The following CLYBL variants were observed in gnomAD, a reference collection of about 807,000 sequenced individuals.
CLYBL encodes citramalyl-CoA lyase, mitochondrial.
Under a neutral mutation model 38.9 loss-of-function variants are expected in CLYBL, and 31 were observed. The observed-to-expected ratio is 0.80, with a 90% confidence interval of 0.60 to 1.08. The LOEUF is 1.08. Among genes scored for constraint, CLYBL ranks in the 50% least tolerant of loss-of-function variants. The pLI is 0.00. For synonymous variants in CLYBL, 171 were observed against 158.6 expected (o/e 1.08, Z -0.59); for missense variants, 434 against 411.6 (o/e 1.05, Z -0.47).
chr13:99,880,068 A>ATATATTTT lies in CLYBL; in HGVS notation c.927+9007_927+9008insATATTTTT, dbSNP rs34063235. ...TGTGTATGTATATATATATATATAT[A>ATATATTTT]TTTTTTTTTTTTTTTTTGAGACAGA... is the stretch of plus-strand genomic sequence containing the variant. On this transcript the variant is annotated intron_variant, in intron 7 of 8. Coordinates refer to ENST00000339105, the MANE Select transcript of CLYBL (RefSeq NM_206808.5). Among the ~76,000 whole-genome samples the ATATATTTT allele has an allele frequency of 6.9e-4, 70 of 101,190 alleles. 1 individual carries two copies. The highest frequency in any genetic ancestry group is 9.4e-4 in the Non-Finnish European group (50 of 53,340). The allele number at this position is 101,190 out of a possible 152,430, so 66.4% of individuals were successfully genotyped here.
intron 1 of CLYBL, among the ~76,000 whole-genome samples, chr13:99,692,767 C>CTA (rs954319106): frequency 6.2e-4 from 95 of 152,310 alleles, no homozygotes; most frequent in African/African-American, 2.2e-3. Context: ...AACCACTAAT[C>CTA]TACTTTCTAA....
At chr13:99,679,166 C>T (rs1019994831) in intron 1 of CLYBL, among the ~76,000 whole-genome samples, 77 of 151,642 alleles carry the variant, frequency 5.1e-4, no homozygotes, top group Middle Eastern at 3.4e-3. Flanking sequence ...TGGTGGCGGG[C>T]GCCTGTGGTC....
At chr13:99,614,983 G>A (rs1443417863) in intron 1 of CLYBL, among the ~76,000 whole-genome samples, 1 of 152,158 alleles carries the variant, frequency 6.6e-6, no homozygotes, top group Admixed American at 6.5e-5. Context: ...TGAGTGGCAC[G>A]AGTACTTCAT....
intron 1 of CLYBL, among the ~76,000 whole-genome samples, chr13:99,675,722 C>T (rs1277124744): frequency 6.6e-6 from 1 of 152,160 alleles, no homozygotes; most frequent in Non-Finnish European, 1.5e-5. Context: ...CTTTTTAGGG[C>T]CAAATAATAT....
At chr13:99,812,039 A>T (rs2050353065) in intron 2 of CLYBL, among the ~76,000 whole-genome samples, 1 of 152,202 alleles carries the variant, frequency 6.6e-6, no homozygotes, top group African/African-American at 2.4e-5. Flanking sequence ...AAGTTTTATT[A>T]TTAAGTTTGC....
At chr13:99,796,081 T>C (rs1216400216) in intron 2 of CLYBL, among the ~76,000 whole-genome samples, 1 of 152,096 alleles carries the variant, frequency 6.6e-6, no homozygotes, top group East Asian at 1.9e-4. Context: ...GAGCCTGAAG[T>C]AGGTATGAGA....
At position 99,865,125 on chromosome 13, in the gene CLYBL, T is replaced by G; in HGVS notation, c.634+214T>G. The G allele has an allele frequency of 1.8e-6, 1 of 566,528 alleles. No individual in the cohort carries two copies. The highest frequency in any genetic ancestry group is 3.3e-6 in the Non-Finnish European group (1 of 300,858). 35.1% of individuals were successfully genotyped at this position (566,528 alleles called of 1,614,324 possible). A position where few individuals can be genotyped will look rare whatever the true frequency, so the allele number is the denominator to read the frequency against. ...GCTTCTAGAGCACTGCATTATTACT[T>G]CTGTTCATTTATAAAAGACACGAGC... is the stretch of plus-strand genomic sequence containing the variant. On this transcript the variant is annotated intron_variant, in intron 5 of 8. Transcript: ENST00000339105. This position sits in a 1 kb window ranked among gnomAD's most constrained non-coding sequence, Gnocchi z 4.7.
chr13:99,831,188 C>A (rs1416203903), intron 2 of CLYBL, among the ~76,000 whole-genome samples: 1 of 152,212 alleles, frequency 6.6e-6, no homozygotes, highest in Admixed American at 6.5e-5. Context: ...CCTGCACACA[C>A]CTCAAGTCCA....
chr13:99,846,161 A>T (rs1394560261), intron 2 of CLYBL, among the ~76,000 whole-genome samples: 1 of 152,154 alleles, frequency 6.6e-6, no homozygotes, highest in Non-Finnish European at 1.5e-5. Context: ...CAAAATACAT[A>T]AGTAAAATAA....
Position 99,843,345 on chromosome 13 carries a change from C to G in CLYBL, c.250-15516C>G, listed in dbSNP as rs73574321. ...TCACATCCCCAAAGAAGCTGTCTTGCCACCTTGTCTCAGTCGCTACACCCC... is the reference window on the plus strand; with the variant it reads ...TCACATCCCCAAAGAAGCTGTCTTGGCACCTTGTCTCAGTCGCTACACCCC... On this transcript the variant is annotated intron_variant, in intron 2 of 8. Transcript: ENST00000339105. 8.9e-3 allele frequency among the ~76,000 whole-genome samples: 1,358 copies of G among 152,260 alleles called. 17 individuals carry two copies. The highest frequency in any genetic ancestry group is 0.031 in the African/African-American group (1,288 of 41,538).
In CLYBL at chr13:99,865,256, T is replaced by G; in HGVS notation, c.634+345T>G. The G allele has an allele frequency of 3.0e-6, 1 of 336,832 alleles. No individual in the cohort carries two copies. Among genetic ancestry groups the G allele is most frequent in the Non-Finnish European group, 5.8e-6 (1 of 173,184 alleles). 20.9% of individuals were successfully genotyped at this position (336,832 alleles called of 1,614,324 possible). ...CAGCCTCACCGTTGCTTCAGTATTTTGTTTTCATATCAGTCTGTGGGCTGT... is the reference window on the plus strand; with the variant it reads ...CAGCCTCACCGTTGCTTCAGTATTTGGTTTTCATATCAGTCTGTGGGCTGT... On this transcript the variant is annotated intron_variant, in intron 5 of 8. Coordinates refer to ENST00000339105, the MANE Select transcript of CLYBL (RefSeq NM_206808.5). This position sits in a 1 kb window ranked among gnomAD's most constrained non-coding sequence, Gnocchi z 4.7.
chr13:99,713,986 G>A (rs9517845), intron 1 of CLYBL, among the ~76,000 whole-genome samples: 3,101 of 144,118 alleles, frequency 0.022, 52 homozygotes, highest in Middle Eastern at 0.14. Flanking sequence ...GCACCTGGCC[G>A]TGTTTGTTTG....
intron 2 of CLYBL, among the ~76,000 whole-genome samples, chr13:99,818,488 C>CTG (rs2139019120): frequency 6.6e-6 from 1 of 151,862 alleles, no homozygotes; most frequent in East Asian, 1.9e-4. Flanking sequence ...CACACACGGA[C>CTG]ACACACTGCC....
intron 1 of CLYBL, among the ~76,000 whole-genome samples, chr13:99,686,194 G>A (rs1217697297): frequency 6.6e-6 from 1 of 152,164 alleles, no homozygotes; most frequent in East Asian, 1.9e-4. Context: ...TGAGAGCCCT[G>A]GGAGGAGACC....
In CLYBL at chr13:99,708,072, C is replaced by A. The variant is rs2048172766; in HGVS notation, c.63-64752C>A. ...AATCTCAGCTCACTGCAACTTCCACCCCCTGGGTTCATTCTCCTGCCTCAG... is the reference window on the plus strand; with the variant it reads ...AATCTCAGCTCACTGCAACTTCCACACCCTGGGTTCATTCTCCTGCCTCAG... On this transcript the variant is annotated intron_variant, in intron 1 of 8. Coordinates refer to ENST00000339105, the MANE Select transcript of CLYBL (RefSeq NM_206808.5). Among the ~76,000 whole-genome samples the A allele has an allele frequency of 3.3e-5, 5 of 152,240 alleles. 1 individual carries two copies. The South Asian group carries it at 1.0e-3, about 32-fold the overall frequency.
intron 1 of CLYBL, among the ~76,000 whole-genome samples, chr13:99,705,469 A>G (rs2048132820): frequency 6.6e-6 from 1 of 152,136 alleles, no homozygotes; most frequent in South Asian, 2.1e-4. Flanking sequence ...CATCCCAGCT[A>G]CTTGGGAGGC....
At chr13:99,837,444 C>CCTGT (rs538490914) in intron 2 of CLYBL, among the ~76,000 whole-genome samples, 172 of 151,974 alleles carry the variant, frequency 1.1e-3, no homozygotes, top group African/African-American at 4.0e-3. Flanking sequence ...AGAGCGAGAC[C>CCTGT]CTGTCTCGAA....
chr13:99,765,045 CTT>C (rs1228919041), intron 1 of CLYBL, among the ~76,000 whole-genome samples: 9 of 144,840 alleles, frequency 6.2e-5, no homozygotes, highest in African/African-American at 2.3e-4. Context: ...TTTTTCTTTT[CTT>C]TTTTTTTTTC....
chr13:99,795,531 G>A (rs992938843), intron 2 of CLYBL, among the ~76,000 whole-genome samples: 2 of 152,104 alleles, frequency 1.3e-5, no homozygotes, highest in Admixed American at 1.3e-4. Flanking sequence ...GCATGTGCTT[G>A]TGGTCCCAGT....
Sources: gnomAD v4.1 joint callset for allele counts (sites outside exome capture counted in the v4.1 genomes callset) on GRCh38, gnomAD v4.1.1 for gene constraint, Gnocchi (gnomAD v3.1) non-coding constraint, MANE v1.5 for transcripts, NCBI Gene and HGNC (gene_info 2026-07-23, HGNC 2026-07-21) for gene names.